Variants in BICDL1 observed in about 807,000 individuals in gnomAD.
BICDL1 encodes the protein BICD family-like cargo adapter 1.
Under a neutral mutation model 76.8 loss-of-function variants are expected in BICDL1, and 20 were observed. The ratio of observed to expected loss-of-function variants is 0.26; its 90% confidence interval spans 0.18 to 0.38. The LOEUF is 0.38. BICDL1 is among the 10% of genes least tolerant of loss of function. The probability of loss-of-function intolerance (pLI) is 1.00; values close to 1 mark genes in which losing one functional copy is unlikely to be tolerated. For missense variants in BICDL1, 700 were observed against 798.6 expected (o/e 0.88, Z 1.49); for synonymous variants, 383 against 337.1 (o/e 1.14, Z -1.49).
At chr12:120,004,559 C>T (rs1951817421) in intron 2 of BICDL1, among the ~76,000 whole-genome samples, 1 of 152,070 alleles carries the variant, frequency 6.6e-6, no homozygotes, top group Non-Finnish European at 1.5e-5. Context: ...CAAGAGATAC[C>T]TGGAGGAATG....
intron 2 of BICDL1, among the ~76,000 whole-genome samples, chr12:120,038,755 T>C (rs140936005): frequency 1.1e-3 from 172 of 152,298 alleles, no homozygotes; most frequent in African/African-American, 4.0e-3. Flanking sequence ...ACTTACTGTA[T>C]TGGGAAAGTC....
At chr12:120,016,474 C>T (rs182741806) in intron 2 of BICDL1, among the ~76,000 whole-genome samples, 140 of 130,752 alleles carry the variant, frequency 1.1e-3, no homozygotes, top group African/African-American at 3.7e-3. Flanking sequence ...GGGTCTCACT[C>T]TGTCACCCAT....
chr12:120,068,630 A>G (rs946917270), intron 4 of BICDL1, among the ~76,000 whole-genome samples: 1 of 152,238 alleles, frequency 6.6e-6, no homozygotes, highest in Non-Finnish European at 1.5e-5. Flanking sequence ...AGCCTGGCCA[A>G]TATGGTGAAA....
chr12:120,075,228 G>A (rs1228926352), intron 7 of BICDL1, among the ~76,000 whole-genome samples: 1 of 152,114 alleles, frequency 6.6e-6, no homozygotes, highest in South Asian at 2.1e-4. Flanking sequence ...GTTCTGTGCT[G>A]CTTGGGAGTA....
chr12:120,078,217 C>G (rs1222671816), intron 7 of BICDL1, among the ~76,000 whole-genome samples: 1 of 152,154 alleles, frequency 6.6e-6, no homozygotes, highest in Non-Finnish European at 1.5e-5. Context: ...TCACAGTTAC[C>G]CTGCTCACAT....
At chr12:120,052,010 G>C (rs372284959) in intron 2 of BICDL1, among the ~76,000 whole-genome samples, 2 of 151,826 alleles carry the variant, frequency 1.3e-5, no homozygotes, top group Admixed American at 6.6e-5. Flanking sequence ...GCATGATCTC[G>C]GCTCACTGCA....
At chr12:120,016,849 A>T in intron 2 of BICDL1, among the ~76,000 whole-genome samples, 1 of 152,200 alleles carries the variant, frequency 6.6e-6, no homozygotes, top group East Asian at 1.9e-4. Context: ...TGTAAAAAAA[A>T]AAAAAATTGT....
At chr12:120,077,565 C>A (rs762904784) in intron 7 of BICDL1, among the ~76,000 whole-genome samples, 10 of 152,196 alleles carry the variant, frequency 6.6e-5, no homozygotes, top group Non-Finnish European at 1.2e-4. Flanking sequence ...TGTTTGGATC[C>A]TTCATGCTTG....
Position 119,989,954 on chromosome 12 carries a change from C to A in BICDL1, c.86C>A (p.Ala29Glu). ...DSACCMELPA[A>E]AGDAVRSPAA... ...GCCTGCTGCATGGAGCTGCCCGCCG[C>A]GGCCGGGGACGCAGTCCGGAGTCCC... Residue 29 changes from alanine (A) to glutamate (E), a missense_variant, in exon 1 of 10, where the codon GCG (alanine) becomes GAG (glutamate). Coordinates refer to ENST00000548673, the MANE Select transcript of BICDL1 (RefSeq NM_001367886.1). 2 of 1,463,804 alleles carry A rather than the reference C, an allele frequency of 1.4e-6. No individual in the cohort carries two copies. Among genetic ancestry groups the A allele is most frequent in the Non-Finnish European group, 1.8e-6 (2 of 1,122,540 alleles). 90.7% of individuals were successfully genotyped at this position (1,463,804 alleles called of 1,614,324 possible).
rs1873134275 is a variant in BICDL1, at chr12:120,071,889, G to A, written c.1089+88G>A. ...TCCCTAGTGCTCAGCTGCCATCCTGGCAAGGCTGTGCCCCTGTGCCTGTGT... is the reference window on the plus strand; with the variant it reads ...TCCCTAGTGCTCAGCTGCCATCCTGACAAGGCTGTGCCCCTGTGCCTGTGT... On this transcript the variant is annotated intron_variant, in intron 5 of 9. Transcript: ENST00000548673. This position sits in a 1 kb window ranked among gnomAD's most constrained non-coding sequence, Gnocchi z 4.8. The A allele has an allele frequency of 1.0e-5, 15 of 1,434,972 alleles. No individual in the cohort carries two copies. Among genetic ancestry groups the A allele is most frequent in the Non-Finnish European group, 1.4e-5 (15 of 1,095,028 alleles). 88.9% of individuals were successfully genotyped at this position (1,434,972 alleles called of 1,614,324 possible). A position where few individuals can be genotyped will look rare whatever the true frequency, so the allele number is the denominator to read the frequency against.
At chr12:120,033,722 C>T (rs1952477330) in intron 2 of BICDL1, among the ~76,000 whole-genome samples, 1 of 151,982 alleles carries the variant, frequency 6.6e-6, no homozygotes, top group South Asian at 2.1e-4. Context: ...TGGTTGTTTC[C>T]TCATAATGAC....
chr12:119,996,539 G>T (rs936739105), intron 1 of BICDL1, among the ~76,000 whole-genome samples: 2 of 152,178 alleles, frequency 1.3e-5, no homozygotes, highest in Admixed American at 1.3e-4. Flanking sequence ...TAAGAGTATA[G>T]CCTCTCAAGA....
chr12:120,039,595 G>A (rs186264864), intron 2 of BICDL1, among the ~76,000 whole-genome samples: 32 of 124,528 alleles, frequency 2.6e-4, no homozygotes, highest in East Asian at 1.5e-3. Flanking sequence ...CCAAGATTGC[G>A]CCACTGCACT....
At chr12:120,014,642 A>G (rs1566216245) in intron 2 of BICDL1, among the ~76,000 whole-genome samples, 1 of 151,800 alleles carries the variant, frequency 6.6e-6, no homozygotes, top group Admixed American at 6.6e-5. Flanking sequence ...CAGTGAGCCG[A>G]GATCACGGCA....
intron 2 of BICDL1, among the ~76,000 whole-genome samples, chr12:120,021,610 AG>A (rs1259337423): frequency 2.1e-5 from 3 of 143,108 alleles, no homozygotes; most frequent in Admixed American, 7.0e-5. Flanking sequence ...AAAAAAAAAA[AG>A]AGAATCAGCC....
intron 2 of BICDL1, among the ~76,000 whole-genome samples, chr12:120,021,283 C>G (rs1339573318): frequency 7.5e-6 from 1 of 132,644 alleles, no homozygotes; most frequent in Non-Finnish European, 1.6e-5. Flanking sequence ...GACTCCATCT[C>G]AAAAAAAAAA....
At chr12:120,072,228 C>T (rs1407763195) in intron 5 of BICDL1, among the ~76,000 whole-genome samples, 1 of 152,150 alleles carries the variant, frequency 6.6e-6, no homozygotes, top group Non-Finnish European at 1.5e-5. Context: ...TTTTCTGACT[C>T]CCACCAAAAT....
At chr12:120,074,362 C>T (rs554270722) in intron 6 of BICDL1, 81 bp from the exon 7 acceptor site, 37 of 934,152 alleles carry the variant, frequency 4.0e-5, no homozygotes, top group African/African-American at 5.4e-5. Flanking sequence ...CTTCTCTCCC[C>T]GACTAACCAT....
intron 1 of BICDL1, among the ~76,000 whole-genome samples, chr12:119,997,702 C>T (rs190466691): frequency 1.2e-4 from 18 of 152,190 alleles, no homozygotes; most frequent in Admixed American, 7.2e-4. Context: ...ATTTCTAAGA[C>T]GAGATGGTTA....
Sources: gnomAD v4.1 joint callset for allele counts (sites outside exome capture counted in the v4.1 genomes callset) on GRCh38, gnomAD v4.1.1 for gene constraint, Gnocchi (gnomAD v3.1) non-coding constraint, MANE v1.5 for transcripts, NCBI Gene and HGNC (gene_info 2026-07-23, HGNC 2026-07-21) for gene names.